PTRH2: variants seen among roughly 807,000 people sequenced by gnomAD.
PTRH2 encodes peptidyl-tRNA hydrolase 2, also known as peptidyl-tRNA hydrolase 2, mitochondrial.
In PTRH2, 10 loss-of-function variants were observed where a neutral mutation model predicts 12.3. The observed-to-expected ratio is 0.81, with a 90% CI of 0.50 to 1.38. The LOEUF (loss-of-function observed/expected upper bound fraction) is 1.38. Ranked by LOEUF, PTRH2 falls within the 40% of genes most tolerant of loss-of-function variation. PTRH2 has a pLI of 0.00. For missense variants in PTRH2, 176 were observed against 214.1 expected, an observed-to-expected ratio of 0.82 and a Z score of 1.11; for synonymous variants, 73 against 77.4, an observed-to-expected ratio of 0.94 and a Z score of 0.30.
intron 1 of PTRH2, among the ~76,000 whole-genome samples, chr17:59,706,692 G>A (rs1174525132): frequency 2.4e-4 from 34 of 140,300 alleles, no homozygotes; most frequent in Middle Eastern, 3.7e-3. Flanking sequence ...TTTTTTTTCT[G>A]AGACGAAGTC....
chr17:59,698,089 G>A, intron 1 of PTRH2, 111 bp from the exon 2 acceptor site: 1 of 1,107,044 alleles, frequency 9.0e-7, no homozygotes, highest in Non-Finnish European at 1.3e-6. Context: ...CAGAAAAAAG[G>A]CAAAACACAC....
intron 1 of PTRH2, among the ~76,000 whole-genome samples, chr17:59,704,332 A>C (rs2033604767): frequency 6.6e-6 from 1 of 152,230 alleles, no homozygotes; most frequent in South Asian, 2.1e-4. Flanking sequence ...ACCAGGTTTG[A>C]ATGGAAAAGA....
Position 59,697,739 on chromosome 17 carries a change from C to G in PTRH2, c.240G>C (p.Gly80=), listed in dbSNP as rs759188112. The G allele has an allele frequency of 1.1e-5, 17 of 1,614,080 alleles. No individual in the cohort carries two copies. Among genetic ancestry groups the G allele is most frequent in the Non-Finnish European group, 1.4e-5 (17 of 1,180,036 alleles). The change falls in exon 2 of 2, where the codon GGG becomes GGC. Residue 80 remains glycine, a synonymous_variant. Coordinates refer to ENST00000393038, the MANE Select transcript of PTRH2 (RefSeq NM_016077.5). ...CATGAGAGCACTGGGCAGCCACTTT[C>G]CCTTTTCCCATCTTTAAGTCATTTC... The part of the protein sequence containing the change: ...VVRNDLKMGK[G]KVAAQCSHAA...
chr17:59,702,235 AG>A (rs2143646301), intron 1 of PTRH2, among the ~76,000 whole-genome samples: 1 of 152,346 alleles, frequency 6.6e-6, no homozygotes, highest in African/African-American at 2.4e-5. Flanking sequence ...ATAGATAAGT[AG>A]TGAAGACAAA....
chr17:59,701,795 T>C (rs1238542072), intron 1 of PTRH2, among the ~76,000 whole-genome samples: 1 of 151,772 alleles, frequency 6.6e-6, no homozygotes, highest in Non-Finnish European at 1.5e-5. Flanking sequence ...CAGCTCCGCC[T>C]CCCGGGTTCA....
At chr17:59,706,064 T>C (rs1156465786) in intron 1 of PTRH2, among the ~76,000 whole-genome samples, 1 of 152,212 alleles carries the variant, frequency 6.6e-6, no homozygotes, top group Non-Finnish European at 1.5e-5. Context: ...TGTTCTAATC[T>C]CATATTAATC....
intron 1 of PTRH2, among the ~76,000 whole-genome samples, chr17:59,703,750 G>C (rs1355090332): frequency 2.7e-5 from 4 of 150,202 alleles, no homozygotes; most frequent in East Asian, 2.0e-4. Flanking sequence ...AGGTGATCCA[G>C]CCACCTCGGC....
intron 1 of PTRH2, among the ~76,000 whole-genome samples, chr17:59,703,798 G>C (rs2033595452): frequency 6.6e-6 from 1 of 150,708 alleles, no homozygotes; most frequent in African/African-American, 2.4e-5. Context: ...GAGCCACCAT[G>C]CCCTGCCGAG....
chr17:59,700,313 G>A (rs891296520), intron 1 of PTRH2: 7 of 152,158 alleles, frequency 4.6e-5, no homozygotes, highest in Non-Finnish European at 8.8e-5. Context: ...TGAGGCTGCT[G>A]GATTCACAGT....
chr17:59,706,952 C>A (rs2033687153), intron 1 of PTRH2, among the ~76,000 whole-genome samples: 1 of 151,916 alleles, frequency 6.6e-6, no homozygotes, highest in Non-Finnish European at 1.5e-5. Context: ...GGATTACAGG[C>A]GTCAGCCACC....
chr17:59,697,704 G>A lies in PTRH2; in HGVS notation c.275C>T (p.Ser92Leu). 1.9e-6 allele frequency: 3 copies of A among 1,614,194 alleles called. No individual in the cohort carries two copies. The highest frequency in any genetic ancestry group is 1.3e-5 in the African/African-American group (1 of 75,040). Residue 92 changes from serine (S) to leucine (L), a missense_variant, in exon 2 of 2, where the codon TCA (serine) becomes TTA (leucine). Physicochemically the swap from Ser to Leu is moderately radical, Grantham distance 145. Transcript: ENST00000393038. ...TCTTCTTTGAATCTGCTTGTAGGCT[G>A]AAACAGCAGCATGAGAGCACTGGGC... ...VAAQCSHAAVSAYKQIQRRNP... is the reference protein window; with the variant it reads ...VAAQCSHAAVLAYKQIQRRNP...
intron 1 of PTRH2, chr17:59,698,181 G>C (rs553690410): frequency 9.1e-5 from 53 of 584,548 alleles, no homozygotes; most frequent in Admixed American, 2.5e-4. Flanking sequence ...GCATCCACAT[G>C]AAACAGTTTA....
chr17:59,704,225 G>T (rs1162354839), intron 1 of PTRH2, among the ~76,000 whole-genome samples: 1 of 152,216 alleles, frequency 6.6e-6, no homozygotes, highest in Non-Finnish European at 1.5e-5. Context: ...AGGTACACCT[G>T]TCTGATTTAG....
chr17:59,702,048 T>G (rs910374667), intron 1 of PTRH2, among the ~76,000 whole-genome samples: 1 of 152,116 alleles, frequency 6.6e-6, no homozygotes, highest in African/African-American at 2.4e-5. Context: ...TACTTTGACA[T>G]GTATTGTTAT....
intron 1 of PTRH2, among the ~76,000 whole-genome samples, chr17:59,701,720 A>C (rs781737124): frequency 6.6e-6 from 1 of 151,898 alleles, no homozygotes. Flanking sequence ...TTGTTTGTCT[A>C]TTTGAGATGG....
At chr17:59,706,121 T>A (rs1472821436) in intron 1 of PTRH2, among the ~76,000 whole-genome samples, 1 of 152,212 alleles carries the variant, frequency 6.6e-6, no homozygotes, top group Non-Finnish European at 1.5e-5. Context: ...GTCTGTCTCT[T>A]TTTCTGTACA....
chr17:59,706,349 T>C (rs2033657657), intron 1 of PTRH2, among the ~76,000 whole-genome samples: 1 of 152,102 alleles, frequency 6.6e-6, no homozygotes, highest in Non-Finnish European at 1.5e-5. Context: ...GCTCCACCCG[T>C]TAATCTTTTT....
chr17:59,702,017 T>C (rs920276653), intron 1 of PTRH2, among the ~76,000 whole-genome samples: 2 of 152,124 alleles, frequency 1.3e-5, no homozygotes, highest in Admixed American at 1.3e-4. Flanking sequence ...ACTTTGTCTT[T>C]ATAGCTCAAA....
intron 1 of PTRH2, among the ~76,000 whole-genome samples, chr17:59,706,967 C>T (rs1462603536): frequency 6.6e-6 from 1 of 152,198 alleles, no homozygotes; most frequent in African/African-American, 2.4e-5. Flanking sequence ...GCCACCGCGC[C>T]CGGCCCCAAA....
Sources: gnomAD v4.1 joint callset for allele counts (sites outside exome capture counted in the v4.1 genomes callset) on GRCh38, gnomAD v4.1.1 for gene constraint, MANE v1.5 for transcripts, NCBI Gene and HGNC (gene_info 2026-07-23, HGNC 2026-07-21) for gene names.